The following KCNIP1 variants were observed in gnomAD, a reference collection of about 807,000 sequenced individuals.
KCNIP1 encodes the protein A-type potassium channel modulatory protein KCNIP1.
A neutral mutation model predicts 33.0 loss-of-function variants in KCNIP1; 18 were observed. That is an observed-to-expected ratio of 0.55 (90% CI 0.38 to 0.81). The LOEUF is 0.81. KCNIP1 is among the 30% of genes least tolerant of loss of function. The pLI, the probability that KCNIP1 is intolerant of heterozygous loss-of-function variation, is 0.00. For synonymous variants in KCNIP1, 93 were observed against 98.3 expected (o/e 0.95, Z 0.32); for missense variants, 238 against 271.6 (o/e 0.88, Z 0.87).
At chr5:170,482,423 G>A (rs755865745) in intron 1 of KCNIP1, among the ~76,000 whole-genome samples, 12 of 152,122 alleles carry the variant, frequency 7.9e-5, no homozygotes, top group Non-Finnish European at 1.2e-4. Flanking sequence ...GGCACAGTAC[G>A]GGGCCTTTTG....
intron 1 of KCNIP1, among the ~76,000 whole-genome samples, chr5:170,563,450 T>C (rs750435151): frequency 6.6e-6 from 1 of 152,164 alleles, no homozygotes; most frequent in African/African-American, 2.4e-5. Context: ...CCTGTCCCCA[T>C]ACCTCACTCT....
At chr5:170,483,001 T>C (rs1757008554) in intron 1 of KCNIP1, 1 of 435,168 alleles carries the variant, frequency 2.3e-6, no homozygotes, top group South Asian at 1.7e-5. Flanking sequence ...AGCCTAAATT[T>C]TAAATTAAAG....
At chr5:170,374,574 G>A (rs1763936486) in intron 1 of KCNIP1, 3 of 152,172 alleles carry the variant, frequency 2.0e-5, no homozygotes, top group Admixed American at 2.0e-4. Flanking sequence ...CTGAGTTCTG[G>A]AGGACGGCAC....
chr5:170,634,449 G>A (rs76892528), intron 1 of KCNIP1, among the ~76,000 whole-genome samples: 1,578 of 152,302 alleles, frequency 0.01, 24 homozygotes, highest in African/African-American at 0.036. Context: ...CCCAAGTGAT[G>A]CCAATGCTGC....
At chr5:170,549,486 G>A (rs1195696904) in intron 1 of KCNIP1, among the ~76,000 whole-genome samples, 1 of 152,132 alleles carries the variant, frequency 6.6e-6, no homozygotes, top group African/African-American at 2.4e-5. Context: ...TGGCATTTAT[G>A]CAACTAATTG....
intron 1 of KCNIP1, among the ~76,000 whole-genome samples, chr5:170,586,803 G>C (rs1292862467): frequency 1.3e-5 from 2 of 152,342 alleles, no homozygotes; most frequent in African/African-American, 4.8e-5. Flanking sequence ...ACACTTCATT[G>C]TGTGTGCTTC....
chr5:170,388,467 C>A (rs547566040), intron 1 of KCNIP1, among the ~76,000 whole-genome samples: 1 of 152,198 alleles, frequency 6.6e-6, no homozygotes, highest in Non-Finnish European at 1.5e-5. Flanking sequence ...AGAAGAACTT[C>A]CCAGTTTTGA....
At position 170,563,369 on chromosome 5, in the gene KCNIP1, G is replaced by C. The variant is rs185643190; in HGVS notation, c.61+58736G>C. 2.6e-5 allele frequency among the ~76,000 whole-genome samples: 4 copies of C among 152,228 alleles called. No homozygotes were observed. The East Asian group carries it at 5.8e-4, about 22-fold the overall frequency. ...TGCTATTGATGGAACTGCTGGACTC[G>C]GGCCCACAATCCTCATGCCAGTTTT... On this transcript the variant is annotated intron_variant, in intron 1 of 7. Coordinates refer to ENST00000328939, the MANE Select transcript of KCNIP1 (RefSeq NM_014592.4).
chr5:170,591,114 A>G (rs1275734673), intron 1 of KCNIP1, among the ~76,000 whole-genome samples: 2 of 152,244 alleles, frequency 1.3e-5, no homozygotes, highest in Non-Finnish European at 2.9e-5. Flanking sequence ...GCTCCTCCAG[A>G]CAATGTTCTC....
chr5:170,660,370 A>C (rs1761428395), intron 1 of KCNIP1, among the ~76,000 whole-genome samples: 1 of 129,626 alleles, frequency 7.7e-6, no homozygotes, highest in Non-Finnish European at 1.6e-5. Context: ...AATGATTTTT[A>C]TAAAAAAAAA....
chr5:170,618,539 GGAGGGA>G (rs1212957963), intron 1 of KCNIP1, among the ~76,000 whole-genome samples: 4 of 92,128 alleles, frequency 4.3e-5, no homozygotes, highest in African/African-American at 9.6e-5. Flanking sequence ...AGGGAGGAAA[GGAGGGA>G]GGAGGGAGGG....
At chr5:170,435,638 C>T (rs1755845474) in intron 1 of KCNIP1, among the ~76,000 whole-genome samples, 1 of 152,204 alleles carries the variant, frequency 6.6e-6, no homozygotes, top group African/African-American at 2.4e-5. Flanking sequence ...CTTATTCCTG[C>T]CTTGTTATGT....
intron 1 of KCNIP1, among the ~76,000 whole-genome samples, chr5:170,434,580 A>T (rs1327689348): frequency 6.6e-6 from 1 of 152,108 alleles, no homozygotes. Flanking sequence ...GTCTCTGCAG[A>T]CTAGGAGCAG....
At chr5:170,385,459 G>T in intron 1 of KCNIP1, 1 of 1,614,088 alleles carries the variant, frequency 6.2e-7, no homozygotes, top group Non-Finnish European at 8.5e-7. Context: ...TTCACTGGGG[G>T]CAGTGATCAT....
chr5:170,531,364 C>T (rs1266469843), intron 1 of KCNIP1, among the ~76,000 whole-genome samples: 1 of 152,170 alleles, frequency 6.6e-6, no homozygotes, highest in Non-Finnish European at 1.5e-5. Context: ...TTCCAATACC[C>T]TTCTCCACTT....
At chr5:170,641,462 G>C (rs1760555069) in intron 1 of KCNIP1, among the ~76,000 whole-genome samples, 1 of 152,218 alleles carries the variant, frequency 6.6e-6, no homozygotes. Context: ...TCTCTTGCAG[G>C]TAAGTCATGC....
At chr5:170,368,550 A>G (rs1267062665) in intron 1 of KCNIP1, among the ~76,000 whole-genome samples, 1 of 152,194 alleles carries the variant, frequency 6.6e-6, no homozygotes, top group East Asian at 1.9e-4. Flanking sequence ...GTTGTGAGCC[A>G]CCGTGCCCGG....
Position 170,544,488 on chromosome 5 carries a change from C to T in KCNIP1, c.61+39855C>T, listed in dbSNP as rs183776266. Among the ~76,000 whole-genome samples the T allele has an allele frequency of 1.8e-4, 27 of 152,180 alleles. 1 individual carries two copies. Among genetic ancestry groups the T allele is most frequent in the African/African-American group, 6.5e-4 (27 of 41,568 alleles). On this transcript the variant is annotated intron_variant, in intron 1 of 7. Transcript: ENST00000328939. ...TACCTCCTTCCTGATGCATAGGCTA[C>T]TGTTCATCATTTTAGTTCTATCTTG...
chr5:170,671,861 TAGAC>T (rs1761938140), intron 1 of KCNIP1, among the ~76,000 whole-genome samples: 1 of 152,224 alleles, frequency 6.6e-6, no homozygotes, highest in African/African-American at 2.4e-5. Context: ...GCTGGGAGCT[TAGAC>T]AGTAAAGCTT....
Sources: allele counts gnomAD v4.1 joint callset (sites outside exome capture counted in the v4.1 genomes callset), GRCh38; gene constraint gnomAD v4.1.1; transcripts MANE v1.5; gene names NCBI Gene and HGNC (gene_info 2026-07-23, HGNC 2026-07-21).